Variants in NSMAF observed in about 807,000 individuals in gnomAD.
NSMAF encodes neutral sphingomyelinase activation associated factor.
NSMAF carries 90 observed loss-of-function variants against 134.9 expected under a neutral mutation model. That is an observed-to-expected ratio of 0.67 (90% CI 0.56 to 0.79). NSMAF has a LOEUF of 0.79. Ranked by LOEUF, NSMAF falls within the 30% of genes least tolerant of loss-of-function variation. The probability of loss-of-function intolerance (pLI) is 0.00; values close to 1 mark genes in which losing one functional copy is unlikely to be tolerated. For missense variants in NSMAF, 1,010 were observed against 1,119.0 expected (o/e 0.90, Z 1.39); for synonymous variants, 358 against 389.6 (o/e 0.92, Z 0.96).
intron 1 of NSMAF, among the ~76,000 whole-genome samples, chr8:58,655,459 G>C (rs901451647): frequency 1.3e-5 from 2 of 150,040 alleles, no homozygotes; most frequent in Non-Finnish European, 3.0e-5. Context: ...GGGTGCAGTG[G>C]TATGACCATA....
chr8:58,631,273 G>GTT (rs1045617006), intron 6 of NSMAF: 32 of 321,914 alleles, frequency 9.9e-5, no homozygotes, highest in South Asian at 2.0e-4. Flanking sequence ...TCATTTGGGT[G>GTT]TTTTTTTTTT....
rs139360502 is a variant in NSMAF, at chr8:58,645,697, C to G, written c.60-2624G>C. Among the ~76,000 whole-genome samples, 860 of 152,146 alleles carry G rather than the reference C, an allele frequency of 5.7e-3. 7 individuals are homozygous for G. Among genetic ancestry groups the G allele is most frequent in the African/African-American group, 0.019 (806 of 41,494 alleles). On this transcript the variant is annotated intron_variant, in intron 1 of 30. Transcript: ENST00000038176. ...AAGGTCAAAAGGCTACAATTAATAT[C>G]CCTACAAAGAAGAAGTTATATTCAT...
At chr8:58,620,424 T>C (rs1806760088) in intron 9 of NSMAF, among the ~76,000 whole-genome samples, 2 of 152,168 alleles carry the variant, frequency 1.3e-5, no homozygotes, top group African/African-American at 4.8e-5. Context: ...TAGTAGTAAA[T>C]AAGAGCTAGC....
At chr8:58,656,843 TAAA>T (rs1170267864) in intron 1 of NSMAF, among the ~76,000 whole-genome samples, 1 of 151,712 alleles carries the variant, frequency 6.6e-6, no homozygotes, top group East Asian at 1.9e-4. Flanking sequence ...AAAATAAAAA[TAAA>T]AAAAATTAGT....
In NSMAF at chr8:58,597,539, G is replaced by T. The variant is rs1274002399; in HGVS notation, c.1640C>A (p.Pro547His). Residue 547 changes from proline to histidine, a missense_variant, in exon 21 of 31, where the codon CCT becomes CAT. Pro to His is a moderately conservative substitution (Grantham distance 77). Coordinates refer to ENST00000038176, the MANE Select transcript of NSMAF (RefSeq NM_003580.4). Reference sequence around the variant, plus strand: ...CGTAAGCATGGCTACCTTCTCATCAGGATCCTGGATGCTTTGGGACAGAAC... The same window carrying T: ...CGTAAGCATGGCTACCTTCTCATCATGATCCTGGATGCTTTGGGACAGAAC... ...GGVDLNSIQD[P>H]DEKVAMLTQI... The T allele has an allele frequency of 1.2e-6, 2 of 1,613,978 alleles. No homozygotes were observed. The highest frequency in any genetic ancestry group is 3.3e-5 in the Admixed American group (2 of 60,000).
chr8:58,623,920 G>A (rs1002605082), intron 6 of NSMAF, 140 bp from the exon 7 acceptor site: 22 of 635,312 alleles, frequency 3.5e-5, no homozygotes, highest in Non-Finnish European at 5.9e-5. Context: ...TGGAATGAGA[G>A]TTCTAGGGGA....
intron 5 of NSMAF, among the ~76,000 whole-genome samples, chr8:58,634,393 G>C (rs1025939100): frequency 1.3e-5 from 2 of 152,148 alleles, no homozygotes; most frequent in African/African-American, 2.4e-5. Flanking sequence ...CTGCCTCCTA[G>C]GGACACTCTG....
intron 9 of NSMAF, among the ~76,000 whole-genome samples, chr8:58,622,274 CTCTG>C (rs754833990): frequency 1.3e-5 from 2 of 152,224 alleles, no homozygotes; most frequent in East Asian, 1.9e-4. Context: ...TGGGGTCTCA[CTCTG>C]TCTGGAGTAC....
intron 21 of NSMAF, among the ~76,000 whole-genome samples, chr8:58,596,391 CCA>C (rs1806134935): frequency 6.6e-6 from 1 of 152,134 alleles, no homozygotes; most frequent in Non-Finnish European, 1.5e-5. Flanking sequence ...TCCCAAAGCT[CCA>C]CAGAGTGTCA....
chr8:58,648,126 C>A (rs930311392), intron 1 of NSMAF, among the ~76,000 whole-genome samples: 2 of 152,156 alleles, frequency 1.3e-5, no homozygotes, highest in South Asian at 4.1e-4. Flanking sequence ...ACAAAGGTCG[C>A]CCTTGTTACA....
At chr8:58,623,963 A>G (rs1166437791) in intron 6 of NSMAF, among the ~76,000 whole-genome samples, 183 bp from the exon 7 acceptor site, 1 of 142,566 alleles carries the variant, frequency 7.0e-6, no homozygotes, top group African/African-American at 2.6e-5. Context: ...TCTATTTATT[A>G]TTTCCTTCCT....
chr8:58,626,091 C>CGTTTTTTTTTTT (rs1563537415), intron 6 of NSMAF, among the ~76,000 whole-genome samples: 1 of 99,370 alleles, frequency 1.0e-5, no homozygotes, highest in Non-Finnish European at 1.9e-5. Context: ...TTATATAATT[C>CGTTTTTTTTTTT]TTTTTTTTTT....
intron 16 of NSMAF, among the ~76,000 whole-genome samples, chr8:58,600,921 G>A (rs981469890): frequency 8.6e-5 from 13 of 152,034 alleles, no homozygotes; most frequent in African/African-American, 3.1e-4. Flanking sequence ...TAAAGTGTGG[G>A]AAACAATCTA....
chr8:58,597,271 G>A, intron 21 of NSMAF, 116 bp downstream of exon 21: 1 of 925,082 alleles, frequency 1.1e-6, no homozygotes, highest in Non-Finnish European at 1.7e-6. Context: ...TAAGGCAGGA[G>A]AACACAATCA....
intron 7 of NSMAF, 23 bp from the exon 8 acceptor site, chr8:58,623,447 G>T (rs1490909349): frequency 6.2e-7 from 1 of 1,607,414 alleles, no homozygotes; most frequent in South Asian, 1.1e-5. Flanking sequence ...AAACAGACAT[G>T]AATTTATTTT....
In NSMAF at chr8:58,585,987, G is replaced by C. The variant is rs149650758; in HGVS notation, c.2460C>G (p.Val820=). 2 of 1,613,524 alleles carry C rather than the reference G, an allele frequency of 1.2e-6. No individual in the cohort carries two copies. The highest frequency in any genetic ancestry group is 2.2e-5 in the East Asian group (1 of 44,880). ...GACAGCCATCTGTTCCTGTGCTGAG[G>C]ACATGGCGACTATCTGCAACACAAG... is the stretch of plus-strand genomic sequence containing the variant. ...DTAFSPDSRH[V]LSTGTDGCLN... The change falls in exon 29 of 31, where the codon GTC becomes GTG. Residue 820 remains valine, a synonymous_variant. Coordinates refer to ENST00000038176, the MANE Select transcript of NSMAF (RefSeq NM_003580.4).
Position 58,587,574 on chromosome 8 carries a change from A to T in NSMAF, c.2295+44T>A, listed in dbSNP as rs149714345. The T allele has an allele frequency of 1.9e-6, 3 of 1,555,946 alleles. No homozygotes were observed. In the East Asian group the frequency reaches 6.7e-5, roughly 35 times the overall value. ...AACCTTCTTCCAGCCGAACCCCTAGACTTTTAAGGTCAGTTTTCTGTACAG... is the reference window on the plus strand; with the variant it reads ...AACCTTCTTCCAGCCGAACCCCTAGTCTTTTAAGGTCAGTTTTCTGTACAG... On this transcript the variant is annotated intron_variant, in intron 27 of 30. Coordinates refer to ENST00000038176, the MANE Select transcript of NSMAF (RefSeq NM_003580.4).
At position 58,592,512 on chromosome 8, in the gene NSMAF, C is replaced by T. The variant is rs944825406; in HGVS notation, c.1952-1578G>A. ...TAATTTTGGGGTGACCATCAGGATACATATAAATCAGTAATATGAATTATG... is the reference window on the plus strand; with the variant it reads ...TAATTTTGGGGTGACCATCAGGATATATATAAATCAGTAATATGAATTATG... On this transcript the variant is annotated intron_variant, in intron 23 of 30. Coordinates refer to ENST00000038176, the MANE Select transcript of NSMAF (RefSeq NM_003580.4). Among the ~76,000 whole-genome samples, 18 of 152,156 alleles carry T rather than the reference C, an allele frequency of 1.2e-4. 1 individual carries two copies. In the East Asian group the frequency reaches 3.3e-3, roughly 28 times the overall value.
At chr8:58,633,199 G>A (rs542987372) in intron 5 of NSMAF, among the ~76,000 whole-genome samples, 9 of 152,280 alleles carry the variant, frequency 5.9e-5, no homozygotes, top group African/African-American at 1.2e-4. Context: ...CGCATGACAC[G>A]GTCCCTGCCC....
Sources: allele counts gnomAD v4.1 joint callset (sites outside exome capture counted in the v4.1 genomes callset), GRCh38; gene constraint gnomAD v4.1.1; transcripts MANE v1.5; gene names NCBI Gene and HGNC (gene_info 2026-07-23, HGNC 2026-07-21).